ARHGEF10: variants seen among roughly 807,000 people sequenced by gnomAD.
The protein encoded by ARHGEF10 is Rho guanine nucleotide exchange factor 10.
A neutral mutation model predicts 147.4 loss-of-function variants in ARHGEF10; 140 were observed. The observed-to-expected ratio is 0.95, with a 90% CI of 0.83 to 1.09. ARHGEF10 has a LOEUF of 1.09. Ranked by LOEUF, ARHGEF10 falls within the 50% of genes least tolerant of loss-of-function variation. The pLI, the probability that ARHGEF10 is intolerant of heterozygous loss-of-function variation, is 0.00. For missense variants in ARHGEF10, 2,222 were observed against 1,752.7 expected, an observed-to-expected ratio of 1.27 and a Z score of -4.78; for synonymous variants, 902 against 695.8, an observed-to-expected ratio of 1.30 and a Z score of -4.67.
chr8:1,827,627 G>A (rs916101776), intron 1 of ARHGEF10, among the ~76,000 whole-genome samples: 5 of 152,184 alleles, frequency 3.3e-5, no homozygotes, highest in Admixed American at 2.6e-4. Context: ...ATTTTAAATC[G>A]TGGATTTTTC....
At position 1,873,520 on chromosome 8, in the gene ARHGEF10, GC is replaced by G. The variant is rs1228199524; in HGVS notation, c.680-3048del. 1.6e-4 allele frequency among the ~76,000 whole-genome samples: 11 copies of G among 70,904 alleles called. 2 individuals are homozygous for G. Among genetic ancestry groups the G allele is most frequent in the East Asian group, 1.5e-3 (2 of 1,292 alleles). 46.5% of individuals were successfully genotyped at this position (70,904 alleles called of 152,430 possible). A position where few individuals can be genotyped will look rare whatever the true frequency, so the allele number is the denominator to read the frequency against. ...ACCCGCATTTCCTCGTTTGAGAGGC[GC>G]CCGCGGGGTAGTGCACCCGCATTTC... is the stretch of plus-strand genomic sequence containing the variant. On this transcript the variant is annotated intron_variant, in intron 7 of 28. Transcript: ENST00000349830.
intron 6 of ARHGEF10, among the ~76,000 whole-genome samples, chr8:1,867,531 A>C (rs1443728427): frequency 6.6e-6 from 1 of 152,184 alleles, no homozygotes; most frequent in Admixed American, 6.5e-5. Context: ...TGTGTGGATT[A>C]AAGCGAGCGC....
chr8:1,918,730 A>C (rs1203372458), intron 18 of ARHGEF10, among the ~76,000 whole-genome samples: 2 of 152,190 alleles, frequency 1.3e-5, no homozygotes, highest in African/African-American at 4.8e-5. Flanking sequence ...GACGTCTTGA[A>C]CCTATTCCTC....
chr8:1,913,878 T>A (rs561137610), intron 18 of ARHGEF10, among the ~76,000 whole-genome samples: 2 of 152,304 alleles, frequency 1.3e-5, no homozygotes, highest in South Asian at 4.1e-4. Context: ...CTGGAGGAGC[T>A]GCCAGCAAGC....
chr8:1,912,100 C>T lies in ARHGEF10; in HGVS notation c.2143+2630C>T, dbSNP rs566270595. On this transcript the variant is annotated intron_variant, in intron 18 of 28. Coordinates refer to ENST00000349830, the MANE Select transcript of ARHGEF10 (RefSeq NM_014629.4). ...TGCCCAGCAACCTCTGCTTGCAGAG[C>T]GGGCAGCGTGGTAACCACCTGAGAC... Among the ~76,000 whole-genome samples, 11 of 152,310 alleles carry T rather than the reference C, an allele frequency of 7.2e-5. No individual in the cohort carries two copies. The East Asian group carries it at 7.7e-4, about 11-fold the overall frequency.
chr8:1,898,155 A>G (rs1201404356), intron 14 of ARHGEF10, among the ~76,000 whole-genome samples: 2 of 152,134 alleles, frequency 1.3e-5, no homozygotes, highest in African/African-American at 4.8e-5. Flanking sequence ...ACACCCAAGG[A>G]CAGCCCCTGG....
At chr8:1,890,322 T>A (rs1166463731) in intron 11 of ARHGEF10, among the ~76,000 whole-genome samples, 2 of 145,358 alleles carry the variant, frequency 1.4e-5, no homozygotes, top group Non-Finnish European at 1.5e-5. Context: ...GTGAGGGTTG[T>A]GAGCAGATAC....
At chr8:1,887,620 G>A (rs1268112560) in intron 11 of ARHGEF10, among the ~76,000 whole-genome samples, 3 of 150,824 alleles carry the variant, frequency 2.0e-5, no homozygotes, top group African/African-American at 4.9e-5. Context: ...GCAGGTGAGG[G>A]TTGTGAGGAG....
chr8:1,832,859 GA>G (rs1423562843), intron 1 of ARHGEF10, among the ~76,000 whole-genome samples: 2 of 115,574 alleles, frequency 1.7e-5, no homozygotes, highest in African/African-American at 7.8e-5. Context: ...GAGAGAGACA[GA>G]GGCAGAGGCA....
In ARHGEF10 at chr8:1,876,563, G is replaced by T; in HGVS notation, c.680-8G>T. 2 of 1,613,628 alleles carry T rather than the reference G, an allele frequency of 1.2e-6. No homozygotes were observed. The highest frequency in any genetic ancestry group is 1.1e-5 in the South Asian group (1 of 91,078). On this transcript the variant is annotated splice_polypyrimidine_tract_variant and splice_region_variant and intron_variant, in intron 7 of 28. Transcript: ENST00000349830. ...GTTTTAATTTCATTTTGGAATTTATGCACTCAGATGAAATGATTTATGATG... is the reference window on the plus strand; with the variant it reads ...GTTTTAATTTCATTTTGGAATTTATTCACTCAGATGAAATGATTTATGATG...
chr8:1,905,524 C>G (rs750275396), intron 16 of ARHGEF10, 47 bp from the exon 17 acceptor site: 4 of 1,613,356 alleles, frequency 2.5e-6, no homozygotes, highest in Non-Finnish European at 2.5e-6. Context: ...TTTTTCTTTT[C>G]CGGGTAAACT....
intron 27 of ARHGEF10, among the ~76,000 whole-genome samples, chr8:1,952,091 A>G (rs1284942624): frequency 6.6e-6 from 1 of 152,238 alleles, no homozygotes; most frequent in Non-Finnish European, 1.5e-5. Context: ...AAACCAAACT[A>G]ACAAAGAGCC....
chr8:1,945,896 C>CCGCGTGCTGGGAGGAGA (rs1814545684), intron 27 of ARHGEF10: 2 of 707,066 alleles, frequency 2.8e-6, no homozygotes, highest in Non-Finnish European at 4.8e-6. Context: ...CTGGGAGGAG[C>CCGCGTGCTGGGAGGAGA]CGCGTGCTGG....
intron 15 of ARHGEF10, among the ~76,000 whole-genome samples, chr8:1,899,232 A>T (rs1410498831): frequency 6.6e-6 from 1 of 152,210 alleles, no homozygotes; most frequent in African/African-American, 2.4e-5. Context: ...CCTGGAGCCC[A>T]GGTGACCCTG....
chr8:1,823,768 G>C (rs1001988896), upstream of ARHGEF10, among the ~76,000 whole-genome samples: 5 of 151,872 alleles, frequency 3.3e-5, no homozygotes, highest in African/African-American at 7.2e-5. Flanking sequence ...GTTGGGCAGC[G>C]GGAGGGGGCG....
intron 25 of ARHGEF10, among the ~76,000 whole-genome samples, chr8:1,931,073 G>GT (rs879552784): frequency 1.3e-5 from 2 of 152,160 alleles, no homozygotes; most frequent in Non-Finnish European, 2.9e-5. Context: ...GTCCTGCTTT[G>GT]TCATTCACCT....
intron 16 of ARHGEF10, 107 bp downstream of exon 16, chr8:1,903,558 C>T (rs1372473115): frequency 6.9e-7 from 1 of 1,445,758 alleles, no homozygotes; most frequent in Non-Finnish European, 9.5e-7. Flanking sequence ...GGAGTAATTC[C>T]CTTCGCCCAG....
chr8:1,859,108 C>T lies in ARHGEF10; in HGVS notation c.194-789C>T, dbSNP rs1427806734. On this transcript the variant is annotated intron_variant, in intron 3 of 28. Transcript: ENST00000349830. ...TTTGTGCATAGTACCCGCCTCTCTG[C>T]TTGCACGGTGTTTCTTTGTGCGCAG... Among the ~76,000 whole-genome samples the T allele has an allele frequency of 1.6e-4, 21 of 132,426 alleles. 1 individual carries two copies. The highest frequency in any genetic ancestry group is 8.5e-3 in the Middle Eastern group (2 of 236). The allele number at this position is 132,426 out of a possible 152,430, so 86.9% of individuals were successfully genotyped here.
At position 1,952,809 on chromosome 8, in the gene ARHGEF10, G is replaced by C; in HGVS notation, c.3502G>C (p.Gly1168Arg). The C allele has an allele frequency of 6.2e-7, 1 of 1,613,928 alleles. No homozygotes were observed. The change falls in exon 28 of 29, where the codon GGG becomes CGG. Residue 1168 changes from glycine (G) to arginine (R), a missense_variant. Transcript: ENST00000349830. Reference sequence around the variant, plus strand: ...GGCCCTGCCGGTCCCACGTCTGCAAGGGATTCCCAAAGTGACCGGTGAGTG... The same window carrying C: ...GGCCCTGCCGGTCCCACGTCTGCAACGGATTCCCAAAGTGACCGGTGAGTG... The part of the protein sequence containing the change: ...LVALPVPRLQ[G>R]IPKVTGRGMV...
Sources: gnomAD v4.1 joint callset for allele counts (sites outside exome capture counted in the v4.1 genomes callset) on GRCh38, gnomAD v4.1.1 for gene constraint, MANE v1.5 for transcripts, NCBI Gene and HGNC (gene_info 2026-07-23, HGNC 2026-07-21) for gene names.